The following DENND4C variants were observed in gnomAD, a reference collection of about 807,000 sequenced individuals.
DENND4C encodes DENN domain containing 4C, also known as DENN domain-containing protein 4C.
Under a neutral mutation model 203.0 loss-of-function variants are expected in DENND4C, and 108 were observed. The ratio of observed to expected loss-of-function variants is 0.53; its 90% confidence interval spans 0.46 to 0.62. The LOEUF (loss-of-function observed/expected upper bound fraction) is 0.62. Ranked by LOEUF, DENND4C falls within the 20% of genes least tolerant of loss-of-function variation. DENND4C has a pLI of 0.00. For synonymous variants in DENND4C, 871 were observed against 792.4 expected (o/e 1.10, Z -1.67); for missense variants, 2,481 against 2,301.2 (o/e 1.08, Z -1.60).
At chr9:19,361,585 A>G (rs1826506490) in intron 29 of DENND4C, among the ~76,000 whole-genome samples, 1 of 152,222 alleles carries the variant, frequency 6.6e-6, no homozygotes, top group Non-Finnish European at 1.5e-5. Context: ...AATTTGCTGT[A>G]ATGGTAATTA....
chr9:19,325,998 G>T, intron 14 of DENND4C, 24 bp downstream of exon 14: 1 of 1,608,044 alleles, frequency 6.2e-7, no homozygotes, highest in Non-Finnish European at 8.5e-7. Context: ...AGATTTTAAG[G>T]GTTGAAATTT....
intron 1 of DENND4C, among the ~76,000 whole-genome samples, chr9:19,242,190 G>T (rs761986826): frequency 6.6e-6 from 1 of 152,048 alleles, no homozygotes; most frequent in African/African-American, 2.4e-5. Context: ...AGCCTTTCTG[G>T]ACTAGCTTCT....
At chr9:19,323,533 C>A (rs1263504307) in intron 12 of DENND4C, among the ~76,000 whole-genome samples, 2 of 152,018 alleles carry the variant, frequency 1.3e-5, no homozygotes, top group African/African-American at 4.8e-5. Context: ...AGGAGGAGAC[C>A]TTGAATCAGA....
chr9:19,328,113 G>A lies in DENND4C; in HGVS notation c.2204G>A (p.Gly735Glu), dbSNP rs567340822. 6.2e-7 allele frequency: 1 copy of A among 1,613,518 alleles called. No individual in the cohort carries two copies. The highest frequency in any genetic ancestry group is 8.5e-7 in the Non-Finnish European group (1 of 1,179,756). ...CTTTGTTTTAGTAGACACCCTACTGGGAATAGCATTACAAAGAGTCCACCT... is the reference window on the plus strand; with the variant it reads ...CTTTGTTTTAGTAGACACCCTACTGAGAATAGCATTACAAAGAGTCCACCT... ...LKLCFSRHPT[G>E]NSITKSPPLM... The change falls in exon 16 of 33, where the codon GGG (glycine) becomes GAG (glutamate). Residue 735 changes from glycine to glutamate, a missense_variant. Around this residue, in one of 3 missense-constraint regions of DENND4C, gnomAD observed 2,289 missense variants for 2,113.3 expected, o/e 1.08. Transcript: ENST00000434457.
chr9:19,325,592 C>T (rs1817649258), intron 13 of DENND4C, among the ~76,000 whole-genome samples: 1 of 152,002 alleles, frequency 6.6e-6, no homozygotes, highest in African/African-American at 2.4e-5. Flanking sequence ...AATTGATATT[C>T]CAGTATCTTC....
intron 16 of DENND4C, 76 bp downstream of exon 16, chr9:19,328,238 G>C (rs942234912): frequency 7.4e-7 from 1 of 1,346,816 alleles, no homozygotes. Flanking sequence ...TCATAGTTTA[G>C]AATGATCACC....
chr9:19,341,713 A>G (rs1315344332), intron 21 of DENND4C, among the ~76,000 whole-genome samples: 1 of 152,228 alleles, frequency 6.6e-6, no homozygotes, highest in Non-Finnish European at 1.5e-5. Flanking sequence ...TGACAGAACC[A>G]GGACTAAACT....
At chr9:19,334,854 T>C in intron 17 of DENND4C, 123 bp from the exon 18 acceptor site, 11 of 1,034,908 alleles carry the variant, frequency 1.1e-5, no homozygotes, top group Non-Finnish European at 1.5e-5. Context: ...GCTAAGATGC[T>C]CAAAGCAGAA....
At chr9:19,293,598 G>T (rs1332747024) in intron 5 of DENND4C, among the ~76,000 whole-genome samples, 1 of 152,166 alleles carries the variant, frequency 6.6e-6, no homozygotes, top group African/African-American at 2.4e-5. Flanking sequence ...GAAGGGGATG[G>T]GTATAGTGAT....
intron 1 of DENND4C, among the ~76,000 whole-genome samples, chr9:19,253,407 G>A (rs1235644007): frequency 6.6e-6 from 1 of 152,120 alleles, no homozygotes; most frequent in Non-Finnish European, 1.5e-5. Context: ...CAGGTACAAT[G>A]GTAGAGAATT....
At chr9:19,311,368 C>T (rs1237421914) in intron 10 of DENND4C, among the ~76,000 whole-genome samples, 2 of 152,098 alleles carry the variant, frequency 1.3e-5, no homozygotes, top group African/African-American at 4.8e-5. Context: ...TCAGGTGATC[C>T]GCCCACCTCG....
At chr9:19,272,778 TG>T (rs113906984) in intron 1 of DENND4C, among the ~76,000 whole-genome samples, 1,614 of 151,170 alleles carry the variant, frequency 0.011, 28 homozygotes, top group African/African-American at 0.037. Context: ...ATTTTTATTT[TG>T]TTTTTTGAGA....
chr9:19,304,704 T>C (rs1352835384), intron 9 of DENND4C, among the ~76,000 whole-genome samples: 1 of 150,584 alleles, frequency 6.6e-6, no homozygotes, highest in South Asian at 2.1e-4. Flanking sequence ...GTCTGGCTAA[T>C]TTTTTGTACT....
At chr9:19,329,268 C>T (rs767904285) in intron 16 of DENND4C, among the ~76,000 whole-genome samples, 1 of 152,134 alleles carries the variant, frequency 6.6e-6, no homozygotes, top group African/African-American at 2.4e-5. Context: ...TGTTTTCTGT[C>T]TACAAATTTG....
At chr9:19,324,181 C>T (rs1843339132) in intron 12 of DENND4C, among the ~76,000 whole-genome samples, 181 bp from the exon 13 acceptor site, 1 of 151,148 alleles carries the variant, frequency 6.6e-6, no homozygotes, top group Non-Finnish European at 1.5e-5. Context: ...AAATCTGAAA[C>T]ACTTTTGGTC....
intron 1 of DENND4C, among the ~76,000 whole-genome samples, chr9:19,268,221 T>G (rs995732445): frequency 1.3e-5 from 2 of 152,080 alleles, no homozygotes; most frequent in Admixed American, 1.3e-4. Flanking sequence ...CACCTCAGCC[T>G]CCTGAGTAGC....
intron 1 of DENND4C, among the ~76,000 whole-genome samples, chr9:19,255,901 A>G (rs893428791): frequency 2.0e-5 from 3 of 152,108 alleles, no homozygotes; most frequent in African/African-American, 7.2e-5. Context: ...GCAACAACAG[A>G]GAGACATTCT....
intron 30 of DENND4C, among the ~76,000 whole-genome samples, chr9:19,362,536 G>A (rs1187015521): frequency 2.9e-5 from 4 of 136,838 alleles, no homozygotes; most frequent in African/African-American, 8.0e-5. Flanking sequence ...GTGATTTGCT[G>A]TTAAAAAAAA....
intron 1 of DENND4C, among the ~76,000 whole-genome samples, chr9:19,251,013 G>A (rs942652560): frequency 6.6e-6 from 1 of 152,174 alleles, no homozygotes; most frequent in African/African-American, 2.4e-5. Context: ...TCACAGCTCC[G>A]CTAGGCAGCA....
Sources: allele counts gnomAD v4.1 joint callset (sites outside exome capture counted in the v4.1 genomes callset), GRCh38; gene constraint gnomAD v4.1.1; regional missense constraint gnomAD v4.1.1; transcripts MANE v1.5; gene names NCBI Gene and HGNC (gene_info 2026-07-23, HGNC 2026-07-21).